The following MKX variants were observed in gnomAD, a reference collection of about 807,000 sequenced individuals.
The protein encoded by MKX is homeobox protein Mohawk.
MKX carries 13 observed loss-of-function variants against 36.0 expected under a neutral mutation model. That is an observed-to-expected ratio of 0.36 (90% CI 0.24 to 0.57). The LOEUF (loss-of-function observed/expected upper bound fraction) is 0.57, where lower values mean the gene tolerates loss of function less well. Among genes scored for constraint, MKX ranks in the 20% least tolerant of loss-of-function variants. The pLI, the probability that MKX is intolerant of heterozygous loss-of-function variation, is 0.79. For missense variants in MKX, 458 were observed against 456.4 expected (o/e 1.00, Z -0.03); for synonymous variants, 176 against 178.3 (o/e 0.99, Z 0.10).
intron 5 of MKX, among the ~76,000 whole-genome samples, chr10:27,709,097 A>T (rs1219810129): frequency 2.0e-5 from 3 of 152,000 alleles, no homozygotes; most frequent in African/African-American, 7.2e-5. Context: ...TGAATCTGGG[A>T]GGTGGATGTT....
chr10:27,722,502 G>A (rs958641272), intron 5 of MKX, among the ~76,000 whole-genome samples: 5 of 152,204 alleles, frequency 3.3e-5, no homozygotes, highest in South Asian at 4.1e-4. Context: ...CTAAAGGAAC[G>A]AAAGCCATGA....
intron 3 of MKX, among the ~76,000 whole-genome samples, chr10:27,739,973 T>C (rs565051458): frequency 6.6e-6 from 1 of 152,368 alleles, no homozygotes; most frequent in South Asian, 2.1e-4. Context: ...CATAGTTTTA[T>C]GTTAAACAGA....
intron 5 of MKX, among the ~76,000 whole-genome samples, chr10:27,681,499 A>C (rs1203522175): frequency 6.6e-6 from 1 of 152,154 alleles, no homozygotes; most frequent in African/African-American, 2.4e-5. Flanking sequence ...TAAATGTATA[A>C]AGTATAGCAC....
At position 27,675,565 on chromosome 10, in the gene MKX, A is replaced by T; in HGVS notation, c.839-11T>A. On this transcript the variant is annotated splice_polypyrimidine_tract_variant and intron_variant, in intron 5 of 6. Coordinates refer to ENST00000419761, the MANE Select transcript of MKX (RefSeq NM_173576.3). ...CGTTTTCCAGAGTGTCTGTAAAGAA[A>T]AGCAAAAATTCAATTATTTTTATGT... 1 of 1,612,578 alleles carries T rather than the reference A, an allele frequency of 6.2e-7. No individual in the cohort carries two copies. The highest frequency in any genetic ancestry group is 8.5e-7 in the Non-Finnish European group (1 of 1,179,366).
At chr10:27,743,844 G>A (rs971107004) in intron 1 of MKX, among the ~76,000 whole-genome samples, 2 of 152,198 alleles carry the variant, frequency 1.3e-5, no homozygotes, top group African/African-American at 2.4e-5. Flanking sequence ...GGCATACTCC[G>A]GACTGCGGAG....
At chr10:27,708,666 T>C (rs1836799807) in intron 5 of MKX, among the ~76,000 whole-genome samples, 1 of 150,406 alleles carries the variant, frequency 6.6e-6, no homozygotes, top group Non-Finnish European at 1.5e-5. Flanking sequence ...AGGCAGAGGT[T>C]GCAGTGAGCC....
intron 5 of MKX, among the ~76,000 whole-genome samples, chr10:27,720,010 A>AG (rs1564360512): frequency 2.0e-5 from 3 of 151,446 alleles, no homozygotes; most frequent in African/African-American, 7.3e-5. Context: ...GAGAGAGAGA[A>AG]AAAGTTGATT....
At chr10:27,712,454 A>T (rs1326040104) in intron 5 of MKX, among the ~76,000 whole-genome samples, 1 of 152,174 alleles carries the variant, frequency 6.6e-6, no homozygotes, top group Non-Finnish European at 1.5e-5. Flanking sequence ...CCTGGGTTAC[A>T]CTACAGGTAA....
chr10:27,674,948 G>A lies in MKX; in HGVS notation c.*281C>T, dbSNP rs567018684. 93 of 287,392 alleles carry A rather than the reference G, an allele frequency of 3.2e-4. 1 individual carries two copies. The highest frequency in any genetic ancestry group is 2.5e-3 in the South Asian group (47 of 18,970). The allele number at this position is 287,392 out of a possible 1,614,324, so 17.8% of individuals were successfully genotyped here. A position where few individuals can be genotyped will look rare whatever the true frequency, so the allele number is the denominator to read the frequency against. On this transcript the variant is annotated 3_prime_UTR_variant, in exon 7 of 7. Coordinates refer to ENST00000419761, the MANE Select transcript of MKX (RefSeq NM_173576.3). Reference sequence around the variant, plus strand: ...GCATAGCTTGTTCAACTATGCCCACGTTGGAGCTTATTGTCGGGAAGCAAG... The same window carrying A: ...GCATAGCTTGTTCAACTATGCCCACATTGGAGCTTATTGTCGGGAAGCAAG...
rs928320783 is a variant in MKX at position 27,713,445 on chromosome 10, G to A, written c.838+21011C>T. On this transcript the variant is annotated intron_variant, in intron 5 of 6. Coordinates refer to ENST00000419761, the MANE Select transcript of MKX (RefSeq NM_173576.3). ...TGACTGCTTTAGAGAGTTCTATTCCGTAAATGATTTTTTTATTTTGAGTTG... is the reference window on the plus strand; with the variant it reads ...TGACTGCTTTAGAGAGTTCTATTCCATAAATGATTTTTTTATTTTGAGTTG... 3.3e-5 allele frequency among the ~76,000 whole-genome samples: 5 copies of A among 152,228 alleles called. No individual in the cohort carries two copies. In the East Asian group the frequency reaches 5.8e-4, roughly 18 times the overall value.
chr10:27,710,990 A>G (rs542524131), intron 5 of MKX, among the ~76,000 whole-genome samples: 3 of 152,294 alleles, frequency 2.0e-5, no homozygotes, highest in South Asian at 4.2e-4. Flanking sequence ...GTGCTTACCA[A>G]TTATATTTAT....
intron 5 of MKX, among the ~76,000 whole-genome samples, chr10:27,708,353 G>T (rs1836793072): frequency 6.6e-6 from 1 of 152,110 alleles, no homozygotes; most frequent in Non-Finnish European, 1.5e-5. Context: ...TAAGCCCACA[G>T]AAATTAATAA....
intron 3 of MKX, among the ~76,000 whole-genome samples, chr10:27,735,727 A>T (rs1466830596): frequency 6.6e-6 from 1 of 152,210 alleles, no homozygotes; most frequent in Non-Finnish European, 1.5e-5. Context: ...AGTCCAAAGG[A>T]AAGAGGGGTT....
chr10:27,711,471 C>CTTTCTTTCTTTCTT (rs1836858869), intron 5 of MKX, among the ~76,000 whole-genome samples: 1 of 34,130 alleles, frequency 2.9e-5, no homozygotes, highest in African/African-American at 1.4e-4. Flanking sequence ...TTCTTTCTTT[C>CTTTCTTTCTTTCTT]TTTCTTTCTT....
chr10:27,710,214 T>C (rs1469237782), intron 5 of MKX, among the ~76,000 whole-genome samples: 3 of 152,224 alleles, frequency 2.0e-5, no homozygotes, highest in Non-Finnish European at 2.9e-5. Context: ...AGTTCAGAGA[T>C]GCCATAGTTT....
At chr10:27,684,703 A>G (rs1907373) in intron 5 of MKX, among the ~76,000 whole-genome samples, 115,398 of 152,094 alleles carry the variant, frequency 0.76, 47,979 homozygotes, top group Non-Finnish European at 0.94. Flanking sequence ...AGCTTCATCC[A>G]ACTTAAACTT....
At chr10:27,740,902 T>G (rs766571450) in intron 3 of MKX, among the ~76,000 whole-genome samples, 1 of 152,164 alleles carries the variant, frequency 6.6e-6, no homozygotes, top group Non-Finnish European at 1.5e-5. Context: ...ATACTGGGCC[T>G]TAATATGGAG....
At chr10:27,709,237 A>T (rs1318631844) in intron 5 of MKX, among the ~76,000 whole-genome samples, 1 of 152,218 alleles carries the variant, frequency 6.6e-6, no homozygotes, top group African/African-American at 2.4e-5. Context: ...AGTTTATAAT[A>T]CAAAAAAATA....
chr10:27,713,227 G>C (rs10829311), intron 5 of MKX, among the ~76,000 whole-genome samples: 2 of 152,136 alleles, frequency 1.3e-5, no homozygotes, highest in Non-Finnish European at 2.9e-5. Context: ...CTTCCATAGT[G>C]TGCAATCAAG....
Sources: gnomAD v4.1 joint callset for allele counts (sites outside exome capture counted in the v4.1 genomes callset) on GRCh38, gnomAD v4.1.1 for gene constraint, MANE v1.5 for transcripts, NCBI Gene and HGNC (gene_info 2026-07-23, HGNC 2026-07-21) for gene names.